OCA2: variants seen among roughly 807,000 people sequenced by gnomAD.
OCA2 encodes the protein P protein.
Under a neutral mutation model 100.2 loss-of-function variants are expected in OCA2, and 77 were observed. The observed-to-expected ratio is 0.77, with a 90% CI of 0.64 to 0.93. The LOEUF (loss-of-function observed/expected upper bound fraction) is 0.93. Among genes scored for constraint, OCA2 ranks in the 40% least tolerant of loss-of-function variants. OCA2 has a pLI of 0.00. For synonymous variants in OCA2, 432 were observed against 439.2 expected (o/e 0.98, Z 0.21); for missense variants, 1,062 against 1,089.1 (o/e 0.98, Z 0.35).
chr15:27,935,016 A>G (rs1285117170), intron 18 of OCA2, among the ~76,000 whole-genome samples: 1 of 152,130 alleles, frequency 6.6e-6, no homozygotes, highest in African/African-American at 2.4e-5. Flanking sequence ...CCCTGTGAGC[A>G]ATGCTCCAGG....
intron 19 of OCA2, chr15:27,895,719 T>G: frequency 4.1e-6 from 1 of 243,002 alleles, no homozygotes; most frequent in Middle Eastern, 1.6e-3. Flanking sequence ...GTTTGTAAAG[T>G]TGTTAAGAAT....
chr15:28,089,514 C>T (rs1432533515), intron 1 of OCA2, among the ~76,000 whole-genome samples: 1 of 152,200 alleles, frequency 6.6e-6, no homozygotes, highest in Non-Finnish European at 1.5e-5. Context: ...ACCATGGCTT[C>T]AGCTGGTCCC....
chr15:27,980,419 G>A (rs538348286), intron 14 of OCA2, among the ~76,000 whole-genome samples: 3 of 152,258 alleles, frequency 2.0e-5, no homozygotes, highest in Admixed American at 1.3e-4. Context: ...GAGCCACCGC[G>A]CACGGCCAGT....
downstream of OCA2, among the ~76,000 whole-genome samples, chr15:27,753,378 G>A (rs754665518): frequency 6.6e-6 from 1 of 151,914 alleles, no homozygotes; most frequent in Non-Finnish European, 1.5e-5. Flanking sequence ...TAGGAACCTC[G>A]GGGGAGGCTG....
At chr15:27,780,676 A>G (rs190149492) in intron 23 of OCA2, among the ~76,000 whole-genome samples, 1 of 152,328 alleles carries the variant, frequency 6.6e-6, no homozygotes, top group African/African-American at 2.4e-5. Flanking sequence ...TGCTTCTCCA[A>G]GGGTTGGATA....
At chr15:27,934,530 G>C (rs17680176) in intron 18 of OCA2, among the ~76,000 whole-genome samples, 18,500 of 152,068 alleles carry the variant, frequency 0.12, 2,685 homozygotes, top group East Asian at 0.8. Flanking sequence ...ACTTCTCCTG[G>C]GTAAAGCTTT....
intron 17 of OCA2, among the ~76,000 whole-genome samples, chr15:27,953,103 A>T (rs113995406): frequency 1.3e-5 from 2 of 152,192 alleles, no homozygotes. Flanking sequence ...CTGTAGCTTC[A>T]TGGATGCAGG....
intron 21 of OCA2, among the ~76,000 whole-genome samples, chr15:27,852,549 C>T (rs2035793008): frequency 1.3e-5 from 2 of 152,086 alleles, no homozygotes; most frequent in South Asian, 4.1e-4. Context: ...AAAGCAATGG[C>T]AACAAAAGAC....
intron 19 of OCA2, among the ~76,000 whole-genome samples, chr15:27,905,700 G>A (rs12909167): frequency 0.34 from 52,121 of 152,152 alleles, 9,336 homozygotes; most frequent in Middle Eastern, 0.51. Flanking sequence ...TGCTCTGCCC[G>A]CAGAAGAGCG....
intron 6 of OCA2, 135 bp from the exon 7 acceptor site, chr15:28,018,692 A>C: frequency 3.8e-6 from 3 of 785,012 alleles, no homozygotes; most frequent in Admixed American, 4.0e-5. Flanking sequence ...CTTGGCCATT[A>C]ACACGATCTT....
Position 27,990,017 on chromosome 15 carries a change from G to A in OCA2, c.1117-351C>T, listed in dbSNP as rs548466718. 1.6e-4 allele frequency among the ~76,000 whole-genome samples: 25 copies of A among 152,238 alleles called. No homozygotes were observed. The South Asian group carries it at 5.0e-3, about 30-fold the overall frequency. On this transcript the variant is annotated intron_variant, in intron 10 of 23. Coordinates refer to ENST00000354638, the MANE Select transcript of OCA2 (RefSeq NM_000275.3). ...GATGACAGGAACTGGCATGGCAGCT[G>A]TCCCACTCTCAGCTGGGTTCCAGCA...
intron 2 of OCA2, among the ~76,000 whole-genome samples, chr15:28,039,471 C>T (rs963738976): frequency 1.2e-4 from 19 of 152,048 alleles, no homozygotes; most frequent in Non-Finnish European, 1.5e-5. Flanking sequence ...TAGGAATGAA[C>T]TGGAAATCAA....
chr15:27,938,546 G>T (rs1242181328), intron 18 of OCA2, among the ~76,000 whole-genome samples: 1 of 152,168 alleles, frequency 6.6e-6, no homozygotes, highest in Non-Finnish European at 1.5e-5. Flanking sequence ...CTACAAATAT[G>T]CCATTAGAAG....
At chr15:27,832,830 A>T (rs1269761075) in intron 23 of OCA2, among the ~76,000 whole-genome samples, 2 of 135,746 alleles carry the variant, frequency 1.5e-5, no homozygotes, top group Admixed American at 7.7e-5. Context: ...TAAATATCTG[A>T]TTTTTTTTTT....
intron 23 of OCA2, among the ~76,000 whole-genome samples, chr15:27,783,477 C>T (rs766364512): frequency 7.2e-5 from 11 of 152,132 alleles, no homozygotes; most frequent in Non-Finnish European, 1.3e-4. Flanking sequence ...TTCTTGAATG[C>T]ATCATGGAAG....
At chr15:27,961,997 AAATT>A (rs1296139337) in intron 15 of OCA2, among the ~76,000 whole-genome samples, 2 of 152,096 alleles carry the variant, frequency 1.3e-5, no homozygotes, top group Non-Finnish European at 1.5e-5. Flanking sequence ...AAACATTTTT[AAATT>A]AATTAATTAA....
At chr15:27,905,825 A>T (rs761797206) in intron 19 of OCA2, among the ~76,000 whole-genome samples, 49 of 152,356 alleles carry the variant, frequency 3.2e-4, no homozygotes, top group Admixed American at 9.1e-4. Flanking sequence ...TGTCACATGT[A>T]TCAGCTGAGG....
At chr15:28,016,852 G>T (rs2042410447) in intron 7 of OCA2, among the ~76,000 whole-genome samples, 1 of 152,084 alleles carries the variant, frequency 6.6e-6, no homozygotes. Flanking sequence ...GAGACTTGGA[G>T]AACTCTTCTG....
intron 18 of OCA2, among the ~76,000 whole-genome samples, chr15:27,937,391 A>G (rs992258186): frequency 6.6e-6 from 1 of 152,176 alleles, no homozygotes; most frequent in African/African-American, 2.4e-5. Context: ...TGGTGTGCAA[A>G]TGTACATATT....
Sources: gnomAD v4.1 joint callset for allele counts (sites outside exome capture counted in the v4.1 genomes callset) on GRCh38, gnomAD v4.1.1 for gene constraint, MANE v1.5 for transcripts, NCBI Gene and HGNC (gene_info 2026-07-23, HGNC 2026-07-21) for gene names.